The following ACER3 variants were observed in gnomAD, a reference collection of about 807,000 sequenced individuals.
ACER3 encodes alkCDase 3.
A neutral mutation model predicts 48.9 loss-of-function variants in ACER3; 16 were observed. The ratio of observed to expected loss-of-function variants is 0.33; its 90% CI spans 0.22 to 0.50. The LOEUF is 0.50. ACER3 is among the 20% of genes least tolerant of loss of function. The probability of loss-of-function intolerance (pLI) is 0.98; values close to 1 mark genes in which losing one functional copy is unlikely to be tolerated. For missense variants in ACER3, 227 were observed against 326.0 expected (o/e 0.70, Z 2.34); for synonymous variants, 109 against 107.8 (o/e 1.01, Z -0.07).
At chr11:76,926,370 A>G (rs988664946) in intron 1 of ACER3, among the ~76,000 whole-genome samples, 187 bp from the exon 2 acceptor site, 2 of 152,000 alleles carry the variant, frequency 1.3e-5, no homozygotes, top group Non-Finnish European at 2.9e-5. Flanking sequence ...AAATATCTTT[A>G]TTTTATTTGG....
intron 2 of ACER3, among the ~76,000 whole-genome samples, chr11:76,936,935 T>A (rs950049085): frequency 4.6e-5 from 7 of 152,146 alleles, no homozygotes; most frequent in Admixed American, 2.0e-4. Context: ...CAGGCTGATC[T>A]TGAACTCCTG....
chr11:76,902,802 C>T (rs950187380), intron 1 of ACER3, among the ~76,000 whole-genome samples: 1 of 152,190 alleles, frequency 6.6e-6, no homozygotes, highest in Non-Finnish European at 1.5e-5. Flanking sequence ...GTGTTTTAAG[C>T]AGATGCTCGT....
At chr11:76,939,928 A>G (rs1165235269) in intron 2 of ACER3, among the ~76,000 whole-genome samples, 1 of 152,170 alleles carries the variant, frequency 6.6e-6, no homozygotes, top group Non-Finnish European at 1.5e-5. Flanking sequence ...TATTGGATGA[A>G]TCAGTGAAAG....
intron 1 of ACER3, among the ~76,000 whole-genome samples, chr11:76,900,235 A>G (rs1272687620): frequency 1.3e-5 from 2 of 152,192 alleles, no homozygotes; most frequent in African/African-American, 2.4e-5. Flanking sequence ...GAACGTCTTC[A>G]TCCTCATCAT....
At chr11:76,929,843 T>C (rs1184433594) in intron 2 of ACER3, among the ~76,000 whole-genome samples, 3 of 152,184 alleles carry the variant, frequency 2.0e-5, no homozygotes, top group Non-Finnish European at 2.9e-5. Flanking sequence ...TGAATAAGCT[T>C]TTTGATGTGC....
At position 76,926,627 on chromosome 11, in the gene ACER3, T is replaced by C. The variant is rs1406364233; in HGVS notation, c.174T>C (p.Gly58=). ...GTGCAGTTCAGAGTGTTAGAGACGGTCTGGAAAAGCGGTACATTGCTTCTT... is the reference window on the plus strand; with the variant it reads ...GTGCAGTTCAGAGTGTTAGAGACGGCCTGGAAAAGCGGTACATTGCTTCTT... ...MFGAVQSVRD[G]LEKRYIASYL... The change falls in exon 2 of 11, where the codon GGT becomes GGC. Residue 58 remains glycine, a synonymous_variant. Transcript: ENST00000532485. 3.7e-6 allele frequency: 6 copies of C among 1,607,212 alleles called. No homozygotes were observed. The highest frequency in any genetic ancestry group is 1.3e-5 in the African/African-American group (1 of 74,982).
At chr11:76,886,971 C>G (rs1945689888) in intron 1 of ACER3, among the ~76,000 whole-genome samples, 2 of 152,144 alleles carry the variant, frequency 1.3e-5, no homozygotes, top group Admixed American at 1.3e-4. Context: ...AGCCATACCA[C>G]CATGGGTTTA....
intron 7 of ACER3, among the ~76,000 whole-genome samples, chr11:77,003,041 T>G (rs1555020207): frequency 6.6e-6 from 1 of 152,096 alleles, no homozygotes; most frequent in African/African-American, 2.4e-5. Context: ...AGATAGACAG[T>G]GGTAAGGTTT....
intron 2 of ACER3, among the ~76,000 whole-genome samples, chr11:76,953,747 G>T (rs1258330681): frequency 6.6e-6 from 1 of 152,072 alleles, no homozygotes; most frequent in Non-Finnish European, 1.5e-5. Flanking sequence ...AATATATGGG[G>T]TTGCTTAAAA....
intron 9 of ACER3, 110 bp downstream of exon 9, chr11:77,016,889 A>G: frequency 1.8e-6 from 1 of 570,294 alleles, no homozygotes. Flanking sequence ...ATTCACAAAC[A>G]TGAAAATTAA....
chr11:76,925,587 G>A (rs1223792057), intron 1 of ACER3, among the ~76,000 whole-genome samples: 1 of 152,100 alleles, frequency 6.6e-6, no homozygotes, highest in African/African-American at 2.4e-5. Flanking sequence ...GGACTGTGTG[G>A]TCCCTGGTCC....
At chr11:76,922,154 C>T (rs1946700346) in intron 1 of ACER3, among the ~76,000 whole-genome samples, 1 of 152,130 alleles carries the variant, frequency 6.6e-6, no homozygotes, top group Non-Finnish European at 1.5e-5. Flanking sequence ...GTTGTCCTTA[C>T]TCTCTCTAAC....
intron 2 of ACER3, among the ~76,000 whole-genome samples, chr11:76,949,306 C>T (rs1947569092): frequency 6.6e-6 from 1 of 152,146 alleles, no homozygotes; most frequent in South Asian, 2.1e-4. Flanking sequence ...TCTGTCTTCA[C>T]TTTGGACATG....
chr11:76,947,155 A>G lies in ACER3; in HGVS notation c.215-11824A>G, dbSNP rs546990464. On this transcript the variant is annotated intron_variant, in intron 2 of 10. Coordinates refer to ENST00000532485, the MANE Select transcript of ACER3 (RefSeq NM_018367.7). The stretch of plus-strand genomic sequence containing the variant: ...GTTCCTCTCTGTGGAGGAGATACAC[A>G]CTACCTGTGTCTTGTCAGTCATCTC... 3.3e-5 allele frequency among the ~76,000 whole-genome samples: 5 copies of G among 152,258 alleles called. No homozygotes were observed. In the South Asian group the frequency reaches 1.0e-3, roughly 32 times the overall value.
At chr11:76,960,978 C>T (rs1026763401) in intron 3 of ACER3, among the ~76,000 whole-genome samples, 2 of 152,006 alleles carry the variant, frequency 1.3e-5, no homozygotes, top group Non-Finnish European at 2.9e-5. Context: ...TTCTACATGG[C>T]AGAGTGGCCC....
intron 9 of ACER3, among the ~76,000 whole-genome samples, chr11:77,018,363 G>A (rs940115432): frequency 9.2e-5 from 14 of 152,164 alleles, no homozygotes; most frequent in African/African-American, 3.4e-4. Context: ...CCATTCCCCA[G>A]TCTCTTTCCT....
chr11:77,005,994 T>TATATATATACGTATATATA, intron 7 of ACER3, among the ~76,000 whole-genome samples: 1 of 82,136 alleles, frequency 1.2e-5, no homozygotes, highest in East Asian at 4.7e-4. Flanking sequence ...TATATATATT[T>TATATATATACGTATATATA]TTTTTTTTTT....
At chr11:76,872,767 A>G (rs7106611) in intron 1 of ACER3, among the ~76,000 whole-genome samples, 90,596 of 151,970 alleles carry the variant, frequency 0.6, 29,350 homozygotes, top group Non-Finnish European at 0.74. Context: ...CTTTACAACA[A>G]TGGGCCTCAG....
chr11:76,888,273 G>A (rs149170211), intron 1 of ACER3, among the ~76,000 whole-genome samples: 1 of 152,174 alleles, frequency 6.6e-6, no homozygotes, highest in East Asian at 1.9e-4. Flanking sequence ...ACAAAACATG[G>A]CATTAATTTA....
Sources: gnomAD v4.1 joint callset for allele counts (sites outside exome capture counted in the v4.1 genomes callset) on GRCh38, gnomAD v4.1.1 for gene constraint, MANE v1.5 for transcripts, NCBI Gene and HGNC (gene_info 2026-07-23, HGNC 2026-07-21) for gene names.